The following TBXAS1 variants were observed in gnomAD, a reference collection of about 807,000 sequenced individuals.
The protein encoded by TBXAS1 is thromboxane-A synthase.
In TBXAS1, 48 loss-of-function variants were observed where a neutral mutation model predicts 60.7. The ratio of observed to expected loss-of-function variants is 0.79; its 90% CI spans 0.63 to 1.01. The LOEUF is 1.01. Among genes scored for constraint, TBXAS1 ranks in the 50% least tolerant of loss-of-function variants. The pLI is 0.00. For missense variants in TBXAS1, 685 were observed against 686.3 expected, an observed-to-expected ratio of 1.00 and a Z score of 0.02; for synonymous variants, 287 against 269.7, an observed-to-expected ratio of 1.06 and a Z score of -0.63.
chr7:139,879,420 G>GT (rs1457976701), intron 3 of TBXAS1, among the ~76,000 whole-genome samples: 4 of 152,164 alleles, frequency 2.6e-5, no homozygotes, highest in African/African-American at 9.7e-5. Context: ...ACCTGGCCAT[G>GT]TAACACAAAG....
chr7:139,991,082 C>T (rs1412374160), intron 9 of TBXAS1, among the ~76,000 whole-genome samples: 1 of 152,184 alleles, frequency 6.6e-6, no homozygotes, highest in African/African-American at 2.4e-5. Context: ...GTGGCTGGAA[C>T]GACGCAGAAG....
intron 1 of TBXAS1, among the ~76,000 whole-genome samples, chr7:139,871,596 G>A (rs1446114727): frequency 6.6e-6 from 1 of 152,166 alleles, no homozygotes; most frequent in African/African-American, 2.4e-5. Context: ...GTCGGACCAC[G>A]CTTCCTGATT....
intron 4 of TBXAS1, among the ~76,000 whole-genome samples, chr7:139,918,695 T>G (rs1370989135): frequency 6.6e-6 from 1 of 152,176 alleles, no homozygotes; most frequent in Admixed American, 6.5e-5. Context: ...AGGACTGCCA[T>G]AATTAGAAGA....
intron 4 of TBXAS1, among the ~76,000 whole-genome samples, chr7:139,790,363 C>T (rs1453578952): frequency 4.6e-5 from 7 of 152,188 alleles, no homozygotes; most frequent in African/African-American, 1.7e-4. Flanking sequence ...TAGAACAATC[C>T]AAGTCTGGCT....
intron 4 of TBXAS1, among the ~76,000 whole-genome samples, chr7:139,815,154 T>C (rs1266842764): frequency 6.6e-6 from 1 of 152,194 alleles, no homozygotes; most frequent in East Asian, 1.9e-4. Context: ...AAACCAACAT[T>C]AGGACTGTGA....
At chr7:139,850,815 G>A (rs1258312323) in intron 1 of TBXAS1, among the ~76,000 whole-genome samples, 1 of 152,112 alleles carries the variant, frequency 6.6e-6, no homozygotes, top group Admixed American at 6.5e-5. Context: ...TTAGAGGGAT[G>A]CATCTACAAG....
chr7:139,824,566 G>A (rs908056623), upstream of TBXAS1, among the ~76,000 whole-genome samples: 3 of 152,258 alleles, frequency 2.0e-5, no homozygotes, highest in South Asian at 2.1e-4. Context: ...AGCAGCAAAC[G>A]GCGTTATGTC....
chr7:139,983,999 G>T (rs567269944), intron 9 of TBXAS1, among the ~76,000 whole-genome samples: 33 of 152,296 alleles, frequency 2.2e-4, no homozygotes, highest in African/African-American at 7.5e-4. Flanking sequence ...ACAGCATCTT[G>T]CAGGTACCAC....
intron 1 of TBXAS1, among the ~76,000 whole-genome samples, chr7:139,863,482 A>C (rs553450706): frequency 2.0e-5 from 3 of 152,204 alleles, no homozygotes; most frequent in Non-Finnish European, 1.5e-5. Context: ...AACAATAGGA[A>C]GGTCTTGTAA....
At chr7:139,839,676 C>CA (rs1297739214) in intron 1 of TBXAS1, among the ~76,000 whole-genome samples, 9,988 of 89,122 alleles carry the variant, frequency 0.11, 520 homozygotes, top group Non-Finnish European at 0.17. Context: ...CTGCTTCTAC[C>CA]AAAAAAAAAA....
At chr7:139,909,678 A>T (rs755709852) in intron 3 of TBXAS1, among the ~76,000 whole-genome samples, 1 of 152,234 alleles carries the variant, frequency 6.6e-6, no homozygotes, top group African/African-American at 2.4e-5. Flanking sequence ...ATTTAAAACA[A>T]TTAATATCAT....
intron 9 of TBXAS1, among the ~76,000 whole-genome samples, chr7:139,971,782 A>G (rs1048650459): frequency 1.3e-5 from 2 of 151,606 alleles, no homozygotes; most frequent in African/African-American, 4.8e-5. Context: ...TCTCCCTCTC[A>G]TCCTGCCCCA....
At chr7:139,846,955 C>G (rs1799856033) in intron 1 of TBXAS1, among the ~76,000 whole-genome samples, 1 of 152,086 alleles carries the variant, frequency 6.6e-6, no homozygotes, top group Admixed American at 6.6e-5. Context: ...AGCCACCTCT[C>G]TGGGCTTGAT....
chr7:139,921,752 C>T (rs529472570), intron 4 of TBXAS1, among the ~76,000 whole-genome samples: 2 of 152,326 alleles, frequency 1.3e-5, no homozygotes, highest in South Asian at 2.1e-4. Flanking sequence ...AGAAACACCA[C>T]AATCTATTCC....
At chr7:139,976,544 C>T (rs1811577332) in intron 9 of TBXAS1, among the ~76,000 whole-genome samples, 1 of 152,228 alleles carries the variant, frequency 6.6e-6, no homozygotes, top group Non-Finnish European at 1.5e-5. Flanking sequence ...GACTCTAAAA[C>T]AGCTTAAATT....
At chr7:139,788,062 A>G (rs748174920) in intron 4 of TBXAS1, among the ~76,000 whole-genome samples, 9 of 152,264 alleles carry the variant, frequency 5.9e-5, no homozygotes, top group African/African-American at 1.7e-4. Context: ...AGAAATCTGC[A>G]ACAATTGTCA....
intron 9 of TBXAS1, among the ~76,000 whole-genome samples, chr7:139,971,955 G>A (rs1811226083): frequency 6.6e-6 from 1 of 152,128 alleles, no homozygotes; most frequent in African/African-American, 2.4e-5. Flanking sequence ...CTGCCCCCTG[G>A]GAGCCCCTGG....
chr7:139,941,438 T>A (rs1424979433), intron 5 of TBXAS1, among the ~76,000 whole-genome samples: 2 of 152,152 alleles, frequency 1.3e-5, no homozygotes. Flanking sequence ...AAATTGTTTT[T>A]TTTTTTTGGC....
At chr7:139,780,449 G>T (rs910002856) in intron 1 of TBXAS1, among the ~76,000 whole-genome samples, 1 of 152,196 alleles carries the variant, frequency 6.6e-6, no homozygotes, top group Non-Finnish European at 1.5e-5. Flanking sequence ...TCTTGTTTTG[G>T]ATTGTATGTC....
Sources: allele counts gnomAD v4.1 joint callset (sites outside exome capture counted in the v4.1 genomes callset), GRCh38; gene constraint gnomAD v4.1.1; transcripts MANE v1.5; gene names NCBI Gene and HGNC (gene_info 2026-07-23, HGNC 2026-07-21).